RFC5: variants seen among roughly 807,000 people sequenced by gnomAD.
The protein encoded by RFC5 is A1 36 kDa subunit.
Under a neutral mutation model 44.3 loss-of-function variants are expected in RFC5, and 26 were observed. That is an observed-to-expected ratio of 0.59 (90% CI 0.43 to 0.81). The LOEUF is 0.81. Ranked by LOEUF, RFC5 falls within the 40% of genes least tolerant of loss-of-function variation. The pLI is 0.00. For missense variants in RFC5, 328 were observed against 418.6 expected, an observed-to-expected ratio of 0.78 and a Z score of 1.89; for synonymous variants, 155 against 155.2, an observed-to-expected ratio of 1.00 and a Z score of 0.01.
intron 5 of RFC5, 108 bp from the exon 6 acceptor site, chr12:118,024,743 T>C (rs1593445892): frequency 1.1e-6 from 1 of 912,492 alleles, no homozygotes; most frequent in Non-Finnish European, 1.7e-6. Context: ...TTTGCAGTAT[T>C]GAATCTTTTC....
intron 1 of RFC5, among the ~76,000 whole-genome samples, chr12:118,018,843 G>T (rs757646765): frequency 1.3e-5 from 2 of 152,020 alleles, no homozygotes; most frequent in Non-Finnish European, 2.9e-5. Flanking sequence ...CCTGTTAGTT[G>T]TTCTATCCTT....
chr12:118,017,924 C>G, intron 1 of RFC5: 2 of 676,636 alleles, frequency 3.0e-6, no homozygotes, highest in Non-Finnish European at 5.4e-6. Context: ...TATCTAGTTC[C>G]AAAATTTCAT....
Position 118,024,982 on chromosome 12 carries a change from C to G in RFC5, c.553C>G (p.Arg185Gly). The G allele has an allele frequency of 6.2e-7, 1 of 1,613,804 alleles. No individual in the cohort carries two copies. Among genetic ancestry groups the G allele is most frequent in the Non-Finnish European group, 8.5e-7 (1 of 1,179,894 alleles). ...GPLTPELMVP[R>G]LEHVVEEEKV... ...CCTGACTCCTGAACTCATGGTTCCC[C>G]GCCTGGAACATGTCGTGGAAGAAGA... Residue 185 changes from arginine (R) to glycine (G), a missense_variant, in exon 6 of 11, where the codon CGC becomes GGC. Coordinates refer to ENST00000454402, the MANE Select transcript of RFC5 (RefSeq NM_007370.7).
At chr12:118,027,853 A>G in intron 8 of RFC5, 100 bp from the exon 9 acceptor site, 1 of 740,146 alleles carries the variant, frequency 1.4e-6, no homozygotes, top group South Asian at 1.5e-5. Flanking sequence ...TGGGATTAAA[A>G]GCCTTACTTT....
intron 9 of RFC5, among the ~76,000 whole-genome samples, chr12:118,028,490 A>AC (rs2031101385): frequency 6.6e-6 from 1 of 151,136 alleles, no homozygotes; most frequent in African/African-American, 2.5e-5. Context: ...TCTCAAAAAA[A>AC]AAAACAAAAC....
chr12:118,021,603 A>G (rs944405888), intron 4 of RFC5, among the ~76,000 whole-genome samples: 1 of 151,914 alleles, frequency 6.6e-6, no homozygotes, highest in Non-Finnish European at 1.5e-5. Context: ...GAATTTAAAA[A>G]TAAATTGAGA....
intron 5 of RFC5, 97 bp downstream of exon 5, chr12:118,022,456 CG>C (rs137866433): frequency 2.7e-5 from 23 of 852,830 alleles, no homozygotes; most frequent in Admixed American, 4.8e-5. Context: ...TTTTTTTAGG[CG>C]GGGGGGAGTT....
chr12:118,030,763 T>C (rs1162218807), intron 10 of RFC5, among the ~76,000 whole-genome samples: 1 of 152,108 alleles, frequency 6.6e-6, no homozygotes, highest in Admixed American at 6.6e-5. Flanking sequence ...CTCAGCCTCC[T>C]GAGGAGCTGG....
intron 9 of RFC5, among the ~76,000 whole-genome samples, chr12:118,028,444 A>G (rs1352391767): frequency 2.0e-5 from 3 of 150,602 alleles, no homozygotes; most frequent in African/African-American, 7.3e-5. Context: ...AAGATTTGCC[A>G]CTGCACTCCA....
intron 5 of RFC5, 22 bp downstream of exon 5, chr12:118,022,381 C>T (rs5745824): frequency 0.091 from 141,331 of 1,559,648 alleles, 7,644 homozygotes; most frequent in Non-Finnish European, 0.11. Flanking sequence ...CACTGTGGAG[C>T]GTTTGGGCTG....
At chr12:118,027,142 G>C in intron 8 of RFC5, 124 bp downstream of exon 8, 1 of 946,398 alleles carries the variant, frequency 1.1e-6, no homozygotes. Flanking sequence ...TGGTCAGCTT[G>C]TTGTGGGAGT....
At chr12:118,023,440 GTGAGGAGGA>G (rs2030681744) in intron 5 of RFC5, among the ~76,000 whole-genome samples, 1 of 82,396 alleles carries the variant, frequency 1.2e-5, no homozygotes. Context: ...AGAGGAGGGG[GTGAGGAGGA>G]GGAGGGGGAG....
chr12:118,019,692 C>T lies in RFC5; in HGVS notation c.191C>T (p.Thr64Ile). The T allele has an allele frequency of 6.2e-7, 1 of 1,613,960 alleles. No individual in the cohort carries two copies. Among genetic ancestry groups the T allele is most frequent in the Non-Finnish European group, 8.5e-7 (1 of 1,179,842 alleles). The change falls in exon 3 of 11, where the codon ACA (threonine) becomes ATA (isoleucine). Residue 64 changes from threonine (T) to isoleucine (I), a missense_variant. By Grantham distance (89) the Thr-to-Ile change is moderately conservative. Transcript: ENST00000454402. This position sits in a 1 kb window ranked among gnomAD's most constrained non-coding sequence, Gnocchi z 4.2. ...TTGCTTCTCTACGGTCCCCCAGGGA[C>T]AGGCAAGACATCTACCATCCTAGCC... ...PHLLLYGPPG[T>I]GKTSTILACA...
chr12:118,036,596 T>C, downstream of RFC5: 1 of 1,401,692 alleles, frequency 7.1e-7, no homozygotes, highest in Non-Finnish European at 9.7e-7. Flanking sequence ...CACCACCAAA[T>C]CTGCAGGCCC....
the RFC5 span, among the ~76,000 whole-genome samples, chr12:118,039,941 T>C: frequency 6.6e-6 from 1 of 152,004 alleles, no homozygotes; most frequent in African/African-American, 2.4e-5. Flanking sequence ...AGCCGGAGTT[T>C]CACCATGTTG....
At chr12:118,018,868 A>C (rs2030289834) in intron 1 of RFC5, among the ~76,000 whole-genome samples, 1 of 152,088 alleles carries the variant, frequency 6.6e-6, no homozygotes, top group African/African-American at 2.4e-5. Context: ...AGACCCTAGG[A>C]GGTACCCATA....
intron 5 of RFC5, among the ~76,000 whole-genome samples, chr12:118,022,866 G>C (rs536156144): frequency 2.0e-5 from 3 of 152,136 alleles, no homozygotes; most frequent in Non-Finnish European, 4.4e-5. Context: ...GCCTTTCTCT[G>C]TGTCTCCCAT....
Position 118,024,954 on chromosome 12 carries a change from TC to T in RFC5, c.529del (p.Leu177Ter). 1.9e-6 allele frequency: 3 copies of T among 1,614,068 alleles called. No individual in the cohort carries two copies. The highest frequency in any genetic ancestry group is 1.7e-6 in the Non-Finnish European group (2 of 1,179,990). ...CCCGCTGCACGAGGTTTCGGTTCGG[TC>T]CCCTGACTCCTGAACTCATGGTTCC... ...QSRCTRFRFG[P>X]LTPELMVPRL... On this transcript the variant is annotated frameshift_variant, in exon 6 of 11. Coordinates refer to ENST00000454402, the MANE Select transcript of RFC5 (RefSeq NM_007370.7). LOFTEE classifies it high-confidence loss of function.
chr12:118,024,426 T>C (rs73410730), intron 5 of RFC5, among the ~76,000 whole-genome samples: 6,319 of 151,992 alleles, frequency 0.042, 461 homozygotes, highest in African/African-American at 0.14. Flanking sequence ...CCTCACTTGT[T>C]TACATTCTTT....
Sources: gnomAD v4.1 joint callset for allele counts (sites outside exome capture counted in the v4.1 genomes callset) on GRCh38, gnomAD v4.1.1 for gene constraint, Gnocchi (gnomAD v3.1) non-coding constraint, MANE v1.5 for transcripts, NCBI Gene and HGNC (gene_info 2026-07-23, HGNC 2026-07-21) for gene names.